IGSF21: variants seen among roughly 807,000 people sequenced by gnomAD.
IGSF21 encodes the protein immunoglobin superfamily member 21.
IGSF21 carries 28 observed loss-of-function variants against 46.8 expected under a neutral mutation model. The observed-to-expected ratio is 0.60, with a 90% CI of 0.44 to 0.82. IGSF21 has a LOEUF of 0.82. Ranked by LOEUF, IGSF21 falls within the 40% of genes least tolerant of loss-of-function variation. The probability of loss-of-function intolerance (pLI) is 0.00; values close to 1 mark genes in which losing one functional copy is unlikely to be tolerated. For missense variants in IGSF21, 624 were observed against 665.5 expected (o/e 0.94, Z 0.69); for synonymous variants, 284 against 273.6 (o/e 1.04, Z -0.38).
chr1:18,226,030 A>G (rs1046937713), intron 1 of IGSF21, among the ~76,000 whole-genome samples: 1 of 152,230 alleles, frequency 6.6e-6, no homozygotes. Flanking sequence ...TGCATATCAT[A>G]TCAAGTGCTT....
At chr1:18,192,894 G>C (rs971931064) in intron 1 of IGSF21, among the ~76,000 whole-genome samples, 1 of 151,964 alleles carries the variant, frequency 6.6e-6, no homozygotes, top group African/African-American at 2.4e-5. Flanking sequence ...TCGTTTATTC[G>C]ACACATATTA....
At chr1:18,346,645 C>T (rs1248724253) in intron 4 of IGSF21, among the ~76,000 whole-genome samples, 5 of 152,270 alleles carry the variant, frequency 3.3e-5, no homozygotes, top group Middle Eastern at 3.4e-3. Flanking sequence ...AATGCAACCA[C>T]GTGATCTCAC....
intron 4 of IGSF21, among the ~76,000 whole-genome samples, chr1:18,343,495 G>A (rs1163205783): frequency 2.6e-5 from 4 of 152,066 alleles, no homozygotes; most frequent in South Asian, 2.1e-4. Context: ...TGTGCTTTTC[G>A]TGTCTATTTA....
intron 3 of IGSF21, among the ~76,000 whole-genome samples, chr1:18,300,661 G>A (rs1210155170): frequency 6.6e-6 from 1 of 152,214 alleles, no homozygotes; most frequent in Non-Finnish European, 1.5e-5. Context: ...CTCAGGAAGT[G>A]AGGCCTTGCC....
intron 6 of IGSF21, among the ~76,000 whole-genome samples, chr1:18,370,649 T>C (rs1042256833): frequency 2.6e-5 from 4 of 152,100 alleles, no homozygotes; most frequent in African/African-American, 7.2e-5. Context: ...TACAAAGATA[T>C]CCTTGAGAAA....
Position 18,334,126 on chromosome 1 carries a change from G to A in IGSF21, c.306-766G>A, listed in dbSNP as rs570140098. Among the ~76,000 whole-genome samples the A allele has an allele frequency of 1.5e-4, 23 of 152,170 alleles. No homozygotes were observed. The highest frequency in any genetic ancestry group is 5.1e-4 in the African/African-American group (21 of 41,436). On this transcript the variant is annotated intron_variant, in intron 3 of 9. Coordinates refer to ENST00000251296, the MANE Select transcript of IGSF21 (RefSeq NM_032880.5). The surrounding 1 kb of genome is among the most constrained non-coding windows in gnomAD (Gnocchi z 4.3). ...GAGAAAAGACTGAAAGCAGGTTTGA[G>A]GGGGTCTCTCCCATCCTTAGGGATC...
chr1:18,377,327 G>T, intron 8 of IGSF21, 66 bp from the exon 9 acceptor site: 6 of 1,395,992 alleles, frequency 4.3e-6, no homozygotes, highest in Non-Finnish European at 5.1e-6. Flanking sequence ...TGGGTAAAGG[G>T]CCATTCCTTC....
intron 3 of IGSF21, among the ~76,000 whole-genome samples, chr1:18,304,590 G>A (rs944445346): frequency 1.3e-5 from 2 of 152,162 alleles, no homozygotes; most frequent in Non-Finnish European, 2.9e-5. Context: ...ATTCCACAGT[G>A]CTCAATGCAG....
chr1:18,273,356 TTTCC>T (rs2085063088), intron 2 of IGSF21, among the ~76,000 whole-genome samples: 3 of 117,958 alleles, frequency 2.5e-5, no homozygotes, highest in African/African-American at 1.2e-4. Context: ...TTTCCTTTCC[TTTCC>T]TTTCCTTTCC....
intron 3 of IGSF21, among the ~76,000 whole-genome samples, chr1:18,328,827 G>T (rs2085683685): frequency 6.6e-6 from 1 of 152,094 alleles, no homozygotes; most frequent in Non-Finnish European, 1.5e-5. Context: ...GAAAATCTAG[G>T]ATTCTTCCCA....
At chr1:18,177,781 T>C (rs1293042037) in intron 1 of IGSF21, among the ~76,000 whole-genome samples, 1 of 152,098 alleles carries the variant, frequency 6.6e-6, no homozygotes, top group Admixed American at 6.6e-5. Context: ...GGCACATATA[T>C]GTTAAAAAGT....
intron 2 of IGSF21, among the ~76,000 whole-genome samples, chr1:18,277,293 C>T (rs557153223): frequency 1.9e-4 from 29 of 152,314 alleles, no homozygotes; most frequent in African/African-American, 7.0e-4. Flanking sequence ...TAACGTGAAT[C>T]CCGTGGGGTG....
At chr1:18,255,449 T>C (rs2084883169) in intron 2 of IGSF21, among the ~76,000 whole-genome samples, 1 of 152,180 alleles carries the variant, frequency 6.6e-6, no homozygotes, top group Non-Finnish European at 1.5e-5. Flanking sequence ...GACACACAGA[T>C]GACAAAATAA....
At position 18,277,617 on chromosome 1, in the gene IGSF21, A is replaced by G. The variant is rs113617810; in HGVS notation, c.184-14249A>G. Among the ~76,000 whole-genome samples the G allele has an allele frequency of 6.6e-4, 101 of 152,360 alleles. 1 individual carries two copies. The highest frequency in any genetic ancestry group is 2.3e-3 in the African/African-American group (95 of 41,584). On this transcript the variant is annotated intron_variant, in intron 2 of 9. Coordinates refer to ENST00000251296, the MANE Select transcript of IGSF21 (RefSeq NM_032880.5). ...TTGAAGCATAGCAGAGCCCAACTGG[A>G]AACTGTCCAGGTGCCTTTTAACAAA...
rs1251326837 is a variant in IGSF21, at chr1:18,335,859, G to T, written c.424+849G>T. Among the ~76,000 whole-genome samples, 1 of 152,240 alleles carries T rather than the reference G, an allele frequency of 6.6e-6. No homozygotes were observed. The highest frequency in any genetic ancestry group is 2.4e-5 in the African/African-American group (1 of 41,460). On this transcript the variant is annotated intron_variant, in intron 4 of 9. Transcript: ENST00000251296. This position sits in a 1 kb window ranked among gnomAD's most constrained non-coding sequence, Gnocchi z 4.8. Reference sequence around the variant, plus strand: ...CTCCAGAGGGACATTGATTCCTGCAGCACACCCGTGGTGGTTCTGGCTTCC... The same window carrying T: ...CTCCAGAGGGACATTGATTCCTGCATCACACCCGTGGTGGTTCTGGCTTCC...
chr1:18,361,333 G>C (rs956156742), intron 4 of IGSF21: 4 of 152,256 alleles, frequency 2.6e-5, no homozygotes, highest in African/African-American at 7.2e-5. Flanking sequence ...GCAGAGGAAG[G>C]GGGGAAAAGG....
intron 1 of IGSF21, among the ~76,000 whole-genome samples, chr1:18,192,664 G>A (rs927532303): frequency 1.3e-5 from 2 of 152,132 alleles, no homozygotes; most frequent in African/African-American, 2.4e-5. Flanking sequence ...CTGGAGAGCA[G>A]TGCAGAGGGG....
chr1:18,238,852 T>C (rs1252846170), intron 2 of IGSF21, among the ~76,000 whole-genome samples: 1 of 152,066 alleles, frequency 6.6e-6, no homozygotes, highest in East Asian at 1.9e-4. Context: ...CCACAACCCC[T>C]CTCTGAGCTC....
intron 1 of IGSF21, among the ~76,000 whole-genome samples, chr1:18,224,933 C>A (rs2084546392): frequency 2.0e-5 from 3 of 151,860 alleles, no homozygotes. Flanking sequence ...GGTATGGTGG[C>A]AAGCACCTGT....
Sources: allele counts gnomAD v4.1 joint callset (sites outside exome capture counted in the v4.1 genomes callset), GRCh38; gene constraint gnomAD v4.1.1; non-coding constraint Gnocchi (gnomAD v3.1); transcripts MANE v1.5; gene names NCBI Gene and HGNC (gene_info 2026-07-23, HGNC 2026-07-21).